PARD3B: variants seen among roughly 807,000 people sequenced by gnomAD.
The protein encoded by PARD3B is partitioning defective 3 homolog B.
Under a neutral mutation model 130.2 loss-of-function variants are expected in PARD3B, and 103 were observed. That is an observed-to-expected ratio of 0.79 (90% CI 0.67 to 0.93). The LOEUF (loss-of-function observed/expected upper bound fraction) is 0.93. Ranked by LOEUF, PARD3B falls within the 40% of genes least tolerant of loss-of-function variation. The pLI, the probability that PARD3B is intolerant of heterozygous loss-of-function variation, is 0.00. For missense variants in PARD3B, 1,609 were observed against 1,499.2 expected (o/e 1.07, Z -1.21); for synonymous variants, 583 against 553.2 (o/e 1.05, Z -0.76).
At chr2:204,549,126 G>A (rs918454025) in intron 1 of PARD3B, among the ~76,000 whole-genome samples, 11 of 152,174 alleles carry the variant, frequency 7.2e-5, no homozygotes, top group African/African-American at 2.7e-4. Flanking sequence ...CATCAGATAA[G>A]GCCAGAGGTT....
intron 1 of PARD3B, among the ~76,000 whole-genome samples, chr2:204,554,987 C>T (rs529180657): frequency 6.6e-6 from 1 of 152,194 alleles, no homozygotes; most frequent in Non-Finnish European, 1.5e-5. Context: ...TGCTGAACAC[C>T]TGCTCTTTTT....
chr2:205,206,668 A>C (rs554169006), intron 15 of PARD3B, among the ~76,000 whole-genome samples: 1 of 152,012 alleles, frequency 6.6e-6, no homozygotes, highest in East Asian at 1.9e-4. Flanking sequence ...ATAATGCCGC[A>C]ATAAACATAC....
chr2:205,597,203 A>G (rs1252702054), intron 22 of PARD3B, among the ~76,000 whole-genome samples: 1 of 152,138 alleles, frequency 6.6e-6, no homozygotes, highest in Non-Finnish European at 1.5e-5. Context: ...TGTAGTCCCC[A>G]GAGCCTATTG....
chr2:204,880,629 A>G, intron 2 of PARD3B, among the ~76,000 whole-genome samples: 1 of 140,714 alleles, frequency 7.1e-6, no homozygotes, highest in Non-Finnish European at 1.5e-5. Context: ...ACTGCACTCC[A>G]GCCTGGTGAC....
intron 3 of PARD3B, among the ~76,000 whole-genome samples, chr2:205,043,086 G>C (rs1330891681): frequency 2.0e-5 from 3 of 151,754 alleles, no homozygotes; most frequent in Non-Finnish European, 4.4e-5. Flanking sequence ...CTAATGAATA[G>C]CAAAATTTTC....
In PARD3B at chr2:205,160,921, A is replaced by T. The variant is rs181042734; in HGVS notation, c.1620+2014A>T. On this transcript the variant is annotated intron_variant, in intron 11 of 22. Coordinates refer to ENST00000406610, the MANE Select transcript of PARD3B (RefSeq NM_001302769.2). The surrounding 1 kb of genome is among the most constrained non-coding windows in gnomAD (Gnocchi z 4.0). ...TGCTGCACTGAAATGAAGCTCTTCCATATGATCCATTCATGTTCCTAGAGA... is the reference window on the plus strand; with the variant it reads ...TGCTGCACTGAAATGAAGCTCTTCCTTATGATCCATTCATGTTCCTAGAGA... Among the ~76,000 whole-genome samples, 2 of 152,180 alleles carry T rather than the reference A, an allele frequency of 1.3e-5. No homozygotes were observed. The highest frequency in any genetic ancestry group is 2.9e-5 in the Non-Finnish European group (2 of 68,032).
intron 3 of PARD3B, among the ~76,000 whole-genome samples, chr2:204,988,821 C>T (rs1245274912): frequency 6.6e-6 from 1 of 152,058 alleles, no homozygotes; most frequent in Admixed American, 6.6e-5. Flanking sequence ...ATGGTGTGCC[C>T]ATATTATAGG....
At chr2:204,715,743 T>C (rs932284163) in intron 2 of PARD3B, among the ~76,000 whole-genome samples, 2 of 152,190 alleles carry the variant, frequency 1.3e-5, no homozygotes, top group African/African-American at 4.8e-5. Flanking sequence ...TGCTGACCTT[T>C]CACATATGCT....
At chr2:204,658,765 A>C (rs1056929151) in intron 1 of PARD3B, among the ~76,000 whole-genome samples, 14 of 152,178 alleles carry the variant, frequency 9.2e-5, no homozygotes, top group African/African-American at 2.2e-4. Flanking sequence ...AATATTAATA[A>C]AAATTTTACT....
chr2:204,956,066 G>C (rs1285589370), intron 2 of PARD3B, among the ~76,000 whole-genome samples: 1 of 152,220 alleles, frequency 6.6e-6, no homozygotes, highest in Admixed American at 6.5e-5. Flanking sequence ...GGCCAGATTG[G>C]AAGTCAGAAG....
In PARD3B at chr2:204,675,062, G is replaced by A. The variant is rs1475552204; in HGVS notation, c.121-11119G>A. On this transcript the variant is annotated intron_variant, in intron 1 of 22. Coordinates refer to ENST00000406610, the MANE Select transcript of PARD3B (RefSeq NM_001302769.2). This position sits in a 1 kb window ranked among gnomAD's most constrained non-coding sequence, Gnocchi z 4.4. ...CTTCCACTTTTTAGGTGTAGGCTTT[G>A]AATTCCTCTGGACCACACAAGTTTC... 2.6e-5 allele frequency among the ~76,000 whole-genome samples: 4 copies of A among 152,100 alleles called. No individual in the cohort carries two copies.
chr2:205,503,792 C>T (rs1026822767), intron 21 of PARD3B, among the ~76,000 whole-genome samples: 3 of 152,060 alleles, frequency 2.0e-5, no homozygotes, highest in African/African-American at 7.2e-5. Context: ...GATATTGATT[C>T]TTCCTACCCA....
In PARD3B at chr2:205,603,467, A is replaced by G. The variant is rs116001338; in HGVS notation, c.3261-11989A>G. Among the ~76,000 whole-genome samples the G allele has an allele frequency of 3.7e-3, 568 of 152,266 alleles. 3 individuals carry two copies. The highest frequency in any genetic ancestry group is 6.0e-3 in the Non-Finnish European group (407 of 68,020). ...CAATGGGTTGTTAAAGTCTCCTACT[A>G]TTATCATGTGGGAGTCCAAGTCTCT... On this transcript the variant is annotated intron_variant, in intron 22 of 22. Transcript: ENST00000406610.
chr2:204,872,140 T>A (rs2045652859), intron 2 of PARD3B, among the ~76,000 whole-genome samples: 1 of 152,054 alleles, frequency 6.6e-6, no homozygotes, highest in South Asian at 2.1e-4. Context: ...TGTTTTGTTT[T>A]CCAAAAGATT....
chr2:204,747,598 A>G (rs976476726), intron 2 of PARD3B, among the ~76,000 whole-genome samples: 1 of 152,146 alleles, frequency 6.6e-6, no homozygotes, highest in African/African-American at 2.4e-5. Flanking sequence ...TATGGAACCA[A>G]AAAAAGAGCC....
At chr2:205,499,486 A>T (rs74680523) in intron 20 of PARD3B, among the ~76,000 whole-genome samples, 12,994 of 152,214 alleles carry the variant, frequency 0.085, 739 homozygotes, top group Non-Finnish European at 0.13. Context: ...GCCCTGTCTC[A>T]TATCCAGCCT....
At chr2:204,897,402 T>TTTA (rs2046678726) in intron 2 of PARD3B, among the ~76,000 whole-genome samples, 1 of 149,828 alleles carries the variant, frequency 6.7e-6, no homozygotes. Flanking sequence ...TTTTTTTTTT[T>TTTA]GAGAATTTAA....
At chr2:205,475,208 A>G (rs912027940) in intron 20 of PARD3B, among the ~76,000 whole-genome samples, 1 of 152,108 alleles carries the variant, frequency 6.6e-6, no homozygotes, top group African/African-American at 2.4e-5. Flanking sequence ...TATTAGAAAA[A>G]TAAGAGCCTC....
At chr2:204,842,868 C>T (rs1008570107) in intron 2 of PARD3B, among the ~76,000 whole-genome samples, 3 of 152,056 alleles carry the variant, frequency 2.0e-5, no homozygotes, top group Admixed American at 6.6e-5. Context: ...TTAAATTTCT[C>T]GAAGGGAAGC....
Sources: gnomAD v4.1 joint callset for allele counts (sites outside exome capture counted in the v4.1 genomes callset) on GRCh38, gnomAD v4.1.1 for gene constraint, Gnocchi (gnomAD v3.1) non-coding constraint, MANE v1.5 for transcripts, NCBI Gene and HGNC (gene_info 2026-07-23, HGNC 2026-07-21) for gene names.